SLC38A12: variants seen among roughly 807,000 people sequenced by gnomAD.
The protein encoded by SLC38A12 is solute carrier family 38 member 12.
the SLC38A12 span, among the ~76,000 whole-genome samples, chr17:74,810,586 G>A: frequency 2.0e-5 from 3 of 150,218 alleles, no homozygotes; most frequent in African/African-American, 7.3e-5. Flanking sequence ...GATTGGCACT[G>A]TCTGTCATGC....
At chr17:74,823,242 C>G in the SLC38A12 span, among the ~76,000 whole-genome samples, 2 of 152,112 alleles carry the variant, frequency 1.3e-5, no homozygotes, top group Non-Finnish European at 2.9e-5. Context: ...TCCAGGAAGA[C>G]AAAGGGGAAG....
chr17:74,835,569 G>A, the SLC38A12 span, among the ~76,000 whole-genome samples: 4 of 152,164 alleles, frequency 2.6e-5, no homozygotes, highest in Admixed American at 6.5e-5. Flanking sequence ...TGAGAGCCCT[G>A]GGGGTCTGAT....
chr17:74,819,075 T>C, the SLC38A12 span, among the ~76,000 whole-genome samples: 1 of 152,238 alleles, frequency 6.6e-6, no homozygotes. Flanking sequence ...CTGGGTCCCA[T>C]CCTCAGCCCA....
At chr17:74,784,366 C>A in the SLC38A12 span, among the ~76,000 whole-genome samples, 1 of 152,084 alleles carries the variant, frequency 6.6e-6, no homozygotes, top group African/African-American at 2.4e-5. Flanking sequence ...CCAGAGTTAG[C>A]CACTAAAGAA....
the SLC38A12 span, among the ~76,000 whole-genome samples, chr17:74,798,100 C>T: frequency 1.3e-5 from 2 of 152,330 alleles, no homozygotes; most frequent in African/African-American, 4.8e-5. Flanking sequence ...GAAAGCACCT[C>T]CCTACCCTGC....
chr17:74,800,495 C>G, the SLC38A12 span, among the ~76,000 whole-genome samples: 2 of 152,284 alleles, frequency 1.3e-5, no homozygotes, highest in African/African-American at 4.8e-5. Flanking sequence ...TGCCCTGGGG[C>G]TGTGGCATCT....
the SLC38A12 span, chr17:74,838,993 C>T: frequency 2.1e-5 from 33 of 1,535,646 alleles, no homozygotes; most frequent in Non-Finnish European, 2.8e-5. Context: ...ACAGCCTCTA[C>T]CCAACATCTG....
chr17:74,836,051 G>A, the SLC38A12 span: 1 of 1,613,312 alleles, frequency 6.2e-7, no homozygotes, highest in Non-Finnish European at 8.5e-7. This position sits in a 1 kb window ranked among gnomAD's most constrained non-coding sequence, Gnocchi z 4.2. Context: ...ACTCCTTCAT[G>A]TGCCAGCACT....
chr17:74,781,867 C>G, the SLC38A12 span, among the ~76,000 whole-genome samples: 1 of 152,228 alleles, frequency 6.6e-6, no homozygotes, highest in Non-Finnish European at 1.5e-5. Context: ...GCCCGGCTTG[C>G]TGTGCTTCAG....
At chr17:74,810,433 A>G in the SLC38A12 span, among the ~76,000 whole-genome samples, 1 of 152,366 alleles carries the variant, frequency 6.6e-6, no homozygotes, top group East Asian at 1.9e-4. Flanking sequence ...AACTTGTTCA[A>G]AAAGTGCGTT....
chr17:74,826,080 G>A, the SLC38A12 span, among the ~76,000 whole-genome samples: 1 of 152,244 alleles, frequency 6.6e-6, no homozygotes, highest in African/African-American at 2.4e-5. Flanking sequence ...CCAGGAAGGA[G>A]ATTAGTCAGC....
the SLC38A12 span, among the ~76,000 whole-genome samples, chr17:74,817,462 C>G: frequency 6.6e-6 from 1 of 152,180 alleles, no homozygotes; most frequent in African/African-American, 2.4e-5. Flanking sequence ...AGAACTGGGT[C>G]TGAGAACACT....
the SLC38A12 span, chr17:74,785,563 C>G: frequency 3.7e-6 from 6 of 1,614,060 alleles, no homozygotes; most frequent in Admixed American, 1.0e-4. Context: ...TGCCGGGTGG[C>G]TTGTCAGCCT....
the SLC38A12 span, among the ~76,000 whole-genome samples, chr17:74,834,662 C>T: frequency 6.6e-6 from 1 of 152,222 alleles, no homozygotes; most frequent in Non-Finnish European, 1.5e-5. Context: ...GGGCCCCAGA[C>T]AGGAGCCACC....
chr17:74,790,115 G>C, the SLC38A12 span: 1 of 1,124,320 alleles, frequency 8.9e-7, no homozygotes, highest in Non-Finnish European at 1.3e-6. Context: ...CACCACACCT[G>C]GCTAACATTC....
chr17:74,789,941 T>C, the SLC38A12 span, among the ~76,000 whole-genome samples: 3 of 107,684 alleles, frequency 2.8e-5, no homozygotes, highest in South Asian at 9.3e-4. Flanking sequence ...TCTCTCTTTC[T>C]TTTTTGTTTT....
chr17:74,819,912 G>A, the SLC38A12 span: 3 of 1,388,310 alleles, frequency 2.2e-6, no homozygotes, highest in Non-Finnish European at 3.1e-6. Flanking sequence ...TTTCATGAGA[G>A]GCCGTGCAGG....
At chr17:74,832,198 T>C in the SLC38A12 span, among the ~76,000 whole-genome samples, 1 of 151,974 alleles carries the variant, frequency 6.6e-6, no homozygotes, top group Non-Finnish European at 1.5e-5. Flanking sequence ...CCTCCCTTCC[T>C]TCCTCCTTTC....
At chr17:74,839,315 T>A in the SLC38A12 span, 6 of 827,128 alleles carry the variant, frequency 7.3e-6, no homozygotes, top group Middle Eastern at 1.1e-3. Context: ...AAGGCCAGAG[T>A]CAGAGTGGTG....
Sources: allele counts gnomAD v4.1 joint callset (sites outside exome capture counted in the v4.1 genomes callset), GRCh38; gene constraint gnomAD v4.1.1; non-coding constraint Gnocchi (gnomAD v3.1); transcripts MANE v1.5; gene names NCBI Gene and HGNC (gene_info 2026-07-23, HGNC 2026-07-21).